COL12A1: variants seen among roughly 807,000 people sequenced by gnomAD.
The protein encoded by COL12A1 is collagen alpha-1(XII) chain.
A neutral mutation model predicts 349.7 loss-of-function variants in COL12A1; 114 were observed. The observed-to-expected ratio is 0.33, with a 90% CI of 0.28 to 0.38. The LOEUF is 0.38. Ranked by LOEUF, COL12A1 falls within the 10% of genes least tolerant of loss-of-function variation. The pLI is 1.00. For missense variants in COL12A1, 3,284 were observed against 3,756.9 expected, an observed-to-expected ratio of 0.87 and a Z score of 3.29; for synonymous variants, 1,369 against 1,329.0, an observed-to-expected ratio of 1.03 and a Z score of -0.66.
At position 75,121,552 on chromosome 6, in the gene COL12A1, T is replaced by C. The variant is rs1314908572; in HGVS notation, c.6947-111A>G. ...CACCTTGCTACGCAAAGTGTGGTTC[T>C]GCAGCAACAGCACTGCCTGGGAGCT... On this transcript the variant is annotated intron_variant, in intron 43 of 65. Transcript: ENST00000322507. The C allele has an allele frequency of 3.9e-6, 5 of 1,269,170 alleles. No homozygotes were observed. The Admixed American group carries it at 7.5e-5, about 19-fold the overall frequency. 78.6% of individuals were successfully genotyped at this position (1,269,170 alleles called of 1,614,324 possible).
intron 17 of COL12A1, among the ~76,000 whole-genome samples, chr6:75,152,986 T>C (rs971374954): frequency 3.9e-5 from 6 of 152,158 alleles, no homozygotes; most frequent in Non-Finnish European, 8.8e-5. Flanking sequence ...AAAAGGTTTT[T>C]GTGAGCCAAA....
chr6:75,104,200 A>C (rs1768436849), intron 54 of COL12A1, among the ~76,000 whole-genome samples: 1 of 152,210 alleles, frequency 6.6e-6, no homozygotes, highest in Non-Finnish European at 1.5e-5. Flanking sequence ...ACATGTACTT[A>C]ACAGGAATTC....
intron 35 of COL12A1, among the ~76,000 whole-genome samples, chr6:75,131,617 AAGAT>A (rs1326312912): frequency 6.6e-6 from 1 of 152,226 alleles, no homozygotes; most frequent in Non-Finnish European, 1.5e-5. Context: ...TTATGAATGA[AAGAT>A]AGATTGGGCA....
In COL12A1 at chr6:75,183,415, G is replaced by T. The variant is rs759856648; in HGVS notation, c.1526C>A (p.Thr509Asn). Residue 509 changes from threonine (T) to asparagine (N), a missense_variant, in exon 10 of 66, where the codon ACC (threonine) becomes AAC (asparagine). Transcript: ENST00000322507. The part of the protein sequence containing the change: ...KVEDIIEAIN[T>N]FPYRGGSTNT... ...TGTAGATCCTCCTCTGTAAGGGAAG[G>T]TGTTTATTGCTTCAATTATATCTTC... is the stretch of plus-strand genomic sequence containing the variant. The T allele has an allele frequency of 1.2e-6, 2 of 1,614,178 alleles. No homozygotes were observed. Among genetic ancestry groups the T allele is most frequent in the Non-Finnish European group, 1.7e-6 (2 of 1,180,032 alleles).
intron 43 of COL12A1, among the ~76,000 whole-genome samples, chr6:75,122,533 T>C (rs756595701): frequency 5.9e-5 from 9 of 152,182 alleles, no homozygotes; most frequent in Admixed American, 1.3e-4. Context: ...AAGAAAAAAC[T>C]TGTTTTTAAA....
At chr6:75,182,664 T>C (rs1769375842) in intron 10 of COL12A1, among the ~76,000 whole-genome samples, 1 of 152,186 alleles carries the variant, frequency 6.6e-6, no homozygotes, top group Non-Finnish European at 1.5e-5. Context: ...AATCCAAAGG[T>C]GCAAGACTAT....
intron 1 of COL12A1, among the ~76,000 whole-genome samples, chr6:75,204,372 C>T (rs927907099): frequency 4.6e-5 from 7 of 152,010 alleles, no homozygotes; most frequent in Non-Finnish European, 1.0e-4. Context: ...CTGAACTCAA[C>T]GAAAACCTGA....
Position 75,152,207 on chromosome 6 carries a change from T to C in COL12A1, c.3759A>G (p.Leu1253=). The stretch of plus-strand genomic sequence containing the variant: ...AGCTCTTCTTGTCTCTGTGTGCATT[T>C]AACTGCCACTCTGTTCTGGGATCCC... ...YSGDPRTEWQ[L]NAHRDKKSLL... is the part of the protein sequence containing the mutation. The change falls in exon 19 of 66, where the codon TTA becomes TTG. Residue 1253 remains leucine, a synonymous_variant. Transcript: ENST00000322507. The C allele has an allele frequency of 6.2e-7, 1 of 1,613,802 alleles. No homozygotes were observed. Among genetic ancestry groups the C allele is most frequent in the East Asian group, 2.2e-5 (1 of 44,858 alleles).
In COL12A1 at chr6:75,184,008, G is replaced by A. The variant is rs376523503; in HGVS notation, c.1134C>T (p.His378=). The change falls in exon 9 of 66, where the codon CAC becomes CAT. Residue 378 remains histidine, a synonymous_variant. Coordinates refer to ENST00000322507, the MANE Select transcript of COL12A1 (RefSeq NM_004370.6). ...TTGTCTGAGGCCCCACACTCAGAGC[G>A]TGCTGTCGGCTTCCTGCAGTCATTG... ...LTPMTAGSRQ[H]ALSVGPQTTT... is the part of the protein sequence containing the mutation. The A allele has an allele frequency of 3.2e-5, 51 of 1,614,038 alleles. No individual in the cohort carries two copies. Among genetic ancestry groups the A allele is most frequent in the African/African-American group, 9.3e-5 (7 of 74,916 alleles).
At chr6:75,086,765 G>A (rs1050411714) in intron 65 of COL12A1, among the ~76,000 whole-genome samples, 5 of 151,206 alleles carry the variant, frequency 3.3e-5, no homozygotes, top group African/African-American at 1.2e-4. Flanking sequence ...TGGGTTGCAT[G>A]GAAATATACA....
intron 49 of COL12A1, among the ~76,000 whole-genome samples, chr6:75,114,899 A>G (rs565947157): frequency 6.6e-5 from 10 of 152,058 alleles, no homozygotes; most frequent in Non-Finnish European, 1.3e-4. Flanking sequence ...AGGCTGTCAT[A>G]AGTTAAAATG....
intron 27 of COL12A1, among the ~76,000 whole-genome samples, chr6:75,141,119 A>T (rs563217945): frequency 6.6e-6 from 1 of 152,310 alleles, no homozygotes; most frequent in Non-Finnish European, 1.5e-5. Context: ...TGCCTTTTTT[A>T]ATGTGGACAC....
Position 75,145,141 on chromosome 6 carries a change from A to G in COL12A1, c.4690+185T>C, listed in dbSNP as rs77831989. ...ATGTGAAAAAAATACACATCCTCGAATGAATTTGAGATGCCTCCATAAATC... is the reference window on the plus strand; with the variant it reads ...ATGTGAAAAAAATACACATCCTCGAGTGAATTTGAGATGCCTCCATAAATC... On this transcript the variant is annotated intron_variant, in intron 25 of 65. Coordinates refer to ENST00000322507, the MANE Select transcript of COL12A1 (RefSeq NM_004370.6). 1.8e-3 allele frequency among the ~76,000 whole-genome samples: 278 copies of G among 152,366 alleles called. 1 individual carries two copies. Among genetic ancestry groups the G allele is most frequent in the African/African-American group, 6.3e-3 (262 of 41,596 alleles).
At chr6:75,184,894 C>T (rs928461334) in intron 8 of COL12A1, among the ~76,000 whole-genome samples, 2 of 152,110 alleles carry the variant, frequency 1.3e-5, no homozygotes, top group Non-Finnish European at 2.9e-5. Flanking sequence ...ATCAACTTCC[C>T]GGAAGATATA....
At position 75,133,420 on chromosome 6, in the gene COL12A1, T is replaced by C. The variant is rs758486833; in HGVS notation, c.5667A>G (p.Val1889=). The C allele has an allele frequency of 1.9e-6, 3 of 1,599,360 alleles. No individual in the cohort carries two copies. Among genetic ancestry groups the C allele is most frequent in the South Asian group, 2.3e-5 (2 of 87,272 alleles). ...APAAGGPEEL[V]PIPGNTNYAI... ...CATAATTGGTATTCCCGGGGATTGG[T>C]ACCTAAAGATTTTAATAAAACAAAA... is the stretch of plus-strand genomic sequence containing the variant. The change falls in exon 34 of 66, where the codon GTA becomes GTG. Residue 1889 remains valine, a splice_region_variant and synonymous_variant. Coordinates refer to ENST00000322507, the MANE Select transcript of COL12A1 (RefSeq NM_004370.6).
chr6:75,111,803 G>A (rs977161957), intron 51 of COL12A1, among the ~76,000 whole-genome samples: 1 of 151,478 alleles, frequency 6.6e-6, no homozygotes. Context: ...TTGTACTCAG[G>A]GATTTTTGTT....
rs752812483 is a variant in COL12A1, at chr6:75,165,533, G to C, written c.2957C>G (p.Pro986Arg). 2.5e-6 allele frequency: 4 copies of C among 1,613,706 alleles called. No homozygotes were observed. The Admixed American group carries it at 5.0e-5, about 20-fold the overall frequency. ...TTCAGTTGTGGCATCTCCAGTCAAA[G>C]GTTCTCCTTCTCCACTGCTGTAAGT... ...FATYSSGEGEPLTGDATTELS... is the reference protein window; with the variant it reads ...FATYSSGEGERLTGDATTELS... Residue 986 changes from proline (P) to arginine (R), a missense_variant, in exon 14 of 66, where the codon CCT becomes CGT. Physicochemically the swap from Pro to Arg is moderately radical, Grantham distance 103 (BLOSUM62 -2). This residue lies in a region of COL12A1 where 2,601 missense variants were observed against 2,824.8 expected (regional missense o/e 0.92). Transcript: ENST00000322507.
intron 60 of COL12A1, 110 bp downstream of exon 60, chr6:75,094,998 T>C: frequency 1.0e-6 from 1 of 972,704 alleles, no homozygotes; most frequent in Non-Finnish European, 1.5e-6. Flanking sequence ...CAACAAATGC[T>C]TCAAACACAT....
intron 40 of COL12A1, among the ~76,000 whole-genome samples, chr6:75,124,594 A>G (rs1203140941): frequency 6.6e-6 from 1 of 152,168 alleles, no homozygotes; most frequent in African/African-American, 2.4e-5. Context: ...AATTCCATAT[A>G]GTCCCTCTCA....
Sources: allele counts gnomAD v4.1 joint callset (sites outside exome capture counted in the v4.1 genomes callset), GRCh38; gene constraint gnomAD v4.1.1; regional missense constraint gnomAD v4.1.1; transcripts MANE v1.5; gene names NCBI Gene and HGNC (gene_info 2026-07-23, HGNC 2026-07-21).